Variants in PCDH7 observed in about 807,000 individuals in gnomAD.
PCDH7 encodes the protein protocadherin-7.
Under a neutral mutation model 58.9 loss-of-function variants are expected in PCDH7, and 17 were observed. The ratio of observed to expected loss-of-function variants is 0.29; its 90% CI spans 0.20 to 0.43. The LOEUF is 0.43. Among genes scored for constraint, PCDH7 ranks in the 20% least tolerant of loss-of-function variants. The probability of loss-of-function intolerance (pLI) is 1.00; values close to 1 mark genes in which losing one functional copy is unlikely to be tolerated. For missense variants in PCDH7, 1,274 were observed against 1,441.0 expected (o/e 0.88, Z 1.88); for synonymous variants, 664 against 616.4 (o/e 1.08, Z -1.14).
At chr4:30,762,492 C>T (rs193203700) in intron 1 of PCDH7, among the ~76,000 whole-genome samples, 27 of 92,694 alleles carry the variant, frequency 2.9e-4, no homozygotes, top group African/African-American at 1.0e-3. Flanking sequence ...TCCCTTGCTT[C>T]CTGAACTCAT....
intron 3 of PCDH7, among the ~76,000 whole-genome samples, chr4:31,036,068 G>T (rs1002514693): frequency 1.8e-4 from 28 of 152,196 alleles, no homozygotes; most frequent in African/African-American, 5.8e-4. Context: ...ACTTTATAAG[G>T]TATTATAAAT....
intron 3 of PCDH7, among the ~76,000 whole-genome samples, chr4:30,999,965 T>G (rs897210923): frequency 2.6e-5 from 4 of 152,194 alleles, no homozygotes; most frequent in African/African-American, 9.6e-5. Context: ...ACAAACATGT[T>G]GATGTTTCAA....
At chr4:31,140,369 G>A (rs1430121634) in intron 3 of PCDH7, among the ~76,000 whole-genome samples, 1 of 151,850 alleles carries the variant, frequency 6.6e-6, no homozygotes, top group Non-Finnish European at 1.5e-5. Context: ...GACAATTCAG[G>A]GTCATTTCTG....
At chr4:30,853,420 C>T (rs796462795) in intron 1 of PCDH7, among the ~76,000 whole-genome samples, 55 of 152,078 alleles carry the variant, frequency 3.6e-4, no homozygotes, top group African/African-American at 1.2e-3. Flanking sequence ...ACTCTTCCTA[C>T]GATGGGCCTC....
intron 1 of PCDH7, among the ~76,000 whole-genome samples, chr4:30,744,377 T>C (rs1027841697): frequency 6.6e-6 from 1 of 152,198 alleles, no homozygotes; most frequent in Non-Finnish European, 1.5e-5. Context: ...CATTAACCTA[T>C]ATGATTCGAA....
At chr4:30,788,487 T>G (rs898210907) in intron 1 of PCDH7, among the ~76,000 whole-genome samples, 2 of 152,116 alleles carry the variant, frequency 1.3e-5, no homozygotes, top group African/African-American at 4.8e-5. Context: ...TATAATAAAT[T>G]ATAAGCCAAC....
intron 1 of PCDH7, among the ~76,000 whole-genome samples, chr4:30,903,294 A>AAT (rs1161433484): frequency 6.6e-6 from 1 of 152,170 alleles, no homozygotes; most frequent in African/African-American, 2.4e-5. Context: ...AGCAAAAGAC[A>AAT]ATAGCTACAG....
chr4:30,761,506 TAATG>T (rs1253232198), intron 1 of PCDH7, among the ~76,000 whole-genome samples: 3 of 152,134 alleles, frequency 2.0e-5, no homozygotes, highest in Non-Finnish European at 4.4e-5. Context: ...GTAAAATTAT[TAATG>T]AGATATTTTA....
At chr4:30,853,814 C>T (rs1470537099) in intron 1 of PCDH7, among the ~76,000 whole-genome samples, 2 of 151,930 alleles carry the variant, frequency 1.3e-5, no homozygotes, top group East Asian at 3.9e-4. Context: ...CCACATCAGC[C>T]AGGATTTTTT....
At chr4:31,115,323 C>T (rs1045500499) in intron 3 of PCDH7, among the ~76,000 whole-genome samples, 1 of 151,920 alleles carries the variant, frequency 6.6e-6, no homozygotes, top group Non-Finnish European at 1.5e-5. Flanking sequence ...AATCCTCTGA[C>T]TTTTTATTAT....
intron 3 of PCDH7, among the ~76,000 whole-genome samples, chr4:31,032,700 G>A (rs1755057433): frequency 7.7e-6 from 1 of 129,134 alleles, no homozygotes; most frequent in African/African-American, 2.8e-5. Context: ...GGGAGGGAGG[G>A]AGGGAGAGAG....
At chr4:31,118,363 T>C (rs896131322) in intron 3 of PCDH7, among the ~76,000 whole-genome samples, 2 of 152,214 alleles carry the variant, frequency 1.3e-5, no homozygotes, top group African/African-American at 4.8e-5. Flanking sequence ...TTAGTTGTTC[T>C]TCTTGTGGAA....
At chr4:31,093,454 A>G (rs187200094) in intron 3 of PCDH7, among the ~76,000 whole-genome samples, 7 of 152,202 alleles carry the variant, frequency 4.6e-5, no homozygotes, top group South Asian at 4.1e-4. Context: ...TTAAAAATAT[A>G]CATCTCTGAG....
chr4:31,006,215 C>G (rs1352270671), intron 3 of PCDH7, among the ~76,000 whole-genome samples: 7 of 152,094 alleles, frequency 4.6e-5, no homozygotes, highest in Non-Finnish European at 1.0e-4. Flanking sequence ...TAGTAGGACC[C>G]TATAATGTTT....
intron 3 of PCDH7, among the ~76,000 whole-genome samples, chr4:31,000,244 C>G (rs182226857): frequency 6.6e-6 from 1 of 151,980 alleles, no homozygotes; most frequent in Non-Finnish European, 1.5e-5. Context: ...TCAATTTTAA[C>G]GTTTAGAAAA....
At chr4:30,861,371 G>C (rs765370149) in intron 1 of PCDH7, among the ~76,000 whole-genome samples, 21 of 152,108 alleles carry the variant, frequency 1.4e-4, no homozygotes, top group Non-Finnish European at 2.4e-4. Flanking sequence ...GTGGATCTGA[G>C]CAACTAAATG....
At chr4:30,855,525 G>A (rs911878266) in intron 1 of PCDH7, among the ~76,000 whole-genome samples, 1 of 152,112 alleles carries the variant, frequency 6.6e-6, no homozygotes, top group Admixed American at 6.6e-5. Flanking sequence ...TTAATCACCA[G>A]TCAAATGAGC....
chr4:31,143,113 AAAAAAAAAAAAAC>A (rs1427174799), downstream of PCDH7: 1 of 124,258 alleles, frequency 8.0e-6, no homozygotes, highest in Non-Finnish European at 1.6e-5. Flanking sequence ...ACCCCTCTCC[AAAAAAAAAAAAAC>A]AAAAAGAAAA....
At chr4:30,791,240 G>A (rs1724084109) in intron 1 of PCDH7, among the ~76,000 whole-genome samples, 1 of 152,118 alleles carries the variant, frequency 6.6e-6, no homozygotes, top group African/African-American at 2.4e-5. Flanking sequence ...GTGATTAAGA[G>A]TGCAGTGTCT....
Sources: allele counts gnomAD v4.1 joint callset (sites outside exome capture counted in the v4.1 genomes callset), GRCh38; gene constraint gnomAD v4.1.1; transcripts MANE v1.5; gene names NCBI Gene and HGNC (gene_info 2026-07-23, HGNC 2026-07-21).